The following ACOXL variants were observed in gnomAD, a reference collection of about 807,000 sequenced individuals.
ACOXL encodes the protein acyl-CoA oxidase like.
In ACOXL, 70 loss-of-function variants were observed where a neutral mutation model predicts 71.9. That is an observed-to-expected ratio of 0.97 (90% CI 0.80 to 1.19). The LOEUF is 1.19. ACOXL is among the 50% of genes most tolerant of loss of function. The pLI, the probability that ACOXL is intolerant of heterozygous loss-of-function variation, is 0.00. For synonymous variants in ACOXL, 253 were observed against 281.6 expected, an observed-to-expected ratio of 0.90 and a Z score of 1.02; for missense variants, 703 against 736.3, an observed-to-expected ratio of 0.95 and a Z score of 0.52.
chr2:110,986,770 G>A (rs750816977), intron 12 of ACOXL, among the ~76,000 whole-genome samples: 1 of 152,152 alleles, frequency 6.6e-6, no homozygotes, highest in African/African-American at 2.4e-5. Flanking sequence ...AAAAGAGAAC[G>A]GACCAGCCTT....
intron 15 of ACOXL, among the ~76,000 whole-genome samples, chr2:111,044,181 C>A (rs554025934): frequency 6.6e-6 from 1 of 152,354 alleles, no homozygotes; most frequent in Non-Finnish European, 1.5e-5. Context: ...ACCTCTCTCT[C>A]ATTGCACCTC....
At chr2:110,972,264 G>A (rs2062229231) in intron 12 of ACOXL, among the ~76,000 whole-genome samples, 1 of 152,162 alleles carries the variant, frequency 6.6e-6, no homozygotes, top group African/African-American at 2.4e-5. Context: ...ACACACACAA[G>A]TGCTCCAAGG....
intron 2 of ACOXL, among the ~76,000 whole-genome samples, chr2:110,783,598 G>A (rs1363226299): frequency 1.3e-5 from 2 of 151,916 alleles, no homozygotes; most frequent in East Asian, 3.9e-4. Context: ...TGCTGGTGGA[G>A]CAGTGTAGAA....
chr2:110,835,683 C>T (rs963405087), intron 9 of ACOXL, among the ~76,000 whole-genome samples: 12 of 152,314 alleles, frequency 7.9e-5, no homozygotes, highest in Admixed American at 2.6e-4. Flanking sequence ...TCACTTTGGG[C>T]TGCGTCATCA....
At chr2:110,900,210 G>A (rs1418510172) in intron 10 of ACOXL, among the ~76,000 whole-genome samples, 1 of 136,120 alleles carries the variant, frequency 7.3e-6, no homozygotes, top group Admixed American at 7.3e-5. Flanking sequence ...AGGTCGAGTA[G>A]AAGAGACTTT....
At chr2:111,031,273 G>A (rs1385560734) in intron 14 of ACOXL, among the ~76,000 whole-genome samples, 2 of 132,698 alleles carry the variant, frequency 1.5e-5, no homozygotes, top group Non-Finnish European at 3.3e-5. Context: ...TTGAGGATTA[G>A]ATTCAAGTAG....
At chr2:111,057,609 G>A (rs1267051141) in intron 16 of ACOXL, among the ~76,000 whole-genome samples, 1 of 152,208 alleles carries the variant, frequency 6.6e-6, no homozygotes, top group East Asian at 1.9e-4. Context: ...GGGGAAGGCA[G>A]AGGGGTTCCC....
At chr2:110,772,708 C>T (rs1472120902) in intron 2 of ACOXL, among the ~76,000 whole-genome samples, 6 of 152,300 alleles carry the variant, frequency 3.9e-5, no homozygotes, top group African/African-American at 1.2e-4. Flanking sequence ...GTTGCACCAT[C>T]GTTATCTAAA....
intron 12 of ACOXL, among the ~76,000 whole-genome samples, chr2:110,942,649 GCT>G (rs1420618122): frequency 6.6e-6 from 1 of 151,954 alleles, no homozygotes; most frequent in East Asian, 1.9e-4. Flanking sequence ...ACTTTGGGAG[GCT>G]GAGGCAGGTG....
chr2:111,092,435 C>G (rs1321255549), intron 16 of ACOXL, among the ~76,000 whole-genome samples: 1 of 152,068 alleles, frequency 6.6e-6, no homozygotes, highest in Non-Finnish European at 1.5e-5. Flanking sequence ...GAAAGTTTAC[C>G]CAAACCATGC....
intron 9 of ACOXL, among the ~76,000 whole-genome samples, chr2:110,815,558 G>A (rs758345756): frequency 1.4e-4 from 22 of 152,230 alleles, no homozygotes; most frequent in Non-Finnish European, 2.9e-4. Flanking sequence ...TAAAATGTAT[G>A]TGCTGCCATG....
At chr2:111,010,509 G>T (rs1422334951) in intron 14 of ACOXL, among the ~76,000 whole-genome samples, 1 of 152,008 alleles carries the variant, frequency 6.6e-6, no homozygotes, top group Non-Finnish European at 1.5e-5. Context: ...CTAAGAAGGA[G>T]ATGAGAGAGA....
At position 110,886,293 on chromosome 2, in the gene ACOXL, G is replaced by A. The variant is rs1263149672; in HGVS notation, c.789-22496G>A. On this transcript the variant is annotated intron_variant, in intron 10 of 17. Transcript: ENST00000439055. ...AGTTTGGCATTTTTAACCATGGGTC[G>A]GCCACATTGCACAGGCATTTTCTCT... Among the ~76,000 whole-genome samples, 8 of 151,804 alleles carry A rather than the reference G, an allele frequency of 5.3e-5. No individual in the cohort carries two copies. In the East Asian group the frequency reaches 1.5e-3, roughly 29 times the overall value.
intron 12 of ACOXL, among the ~76,000 whole-genome samples, chr2:110,969,883 G>A (rs1353504055): frequency 6.6e-6 from 1 of 151,990 alleles, no homozygotes; most frequent in Non-Finnish European, 1.5e-5. Context: ...AGAGGAAATG[G>A]ACCAGTTCCT....
chr2:111,103,093 C>T (rs923921139), intron 17 of ACOXL, among the ~76,000 whole-genome samples: 1 of 152,086 alleles, frequency 6.6e-6, no homozygotes, highest in African/African-American at 2.4e-5. Flanking sequence ...GAGTTCAAGA[C>T]CAGCCTGGCC....
At chr2:111,060,119 T>G (rs1399345808) in intron 16 of ACOXL, among the ~76,000 whole-genome samples, 1 of 152,176 alleles carries the variant, frequency 6.6e-6, no homozygotes, top group Non-Finnish European at 1.5e-5. Context: ...GGAGGCCTAG[T>G]AGGGAGCTGG....
intron 2 of ACOXL, among the ~76,000 whole-genome samples, chr2:110,769,566 C>A (rs1033057199): frequency 2.0e-5 from 3 of 151,792 alleles, no homozygotes; most frequent in African/African-American, 7.3e-5. Flanking sequence ...GCAGGTGGAT[C>A]ACTTGAGGCC....
chr2:111,066,552 A>G (rs1020276055), intron 16 of ACOXL, among the ~76,000 whole-genome samples: 29 of 152,188 alleles, frequency 1.9e-4, no homozygotes, highest in Non-Finnish European at 7.3e-5. Flanking sequence ...GGTAAAAGAT[A>G]CCCAACATAT....
chr2:110,868,130 A>G (rs1221757819), intron 10 of ACOXL, among the ~76,000 whole-genome samples: 1 of 152,232 alleles, frequency 6.6e-6, no homozygotes, highest in Non-Finnish European at 1.5e-5. Context: ...TTTGCAGACT[A>G]CATTTTTGTG....
Sources: gnomAD v4.1 joint callset for allele counts (sites outside exome capture counted in the v4.1 genomes callset) on GRCh38, gnomAD v4.1.1 for gene constraint, MANE v1.5 for transcripts, NCBI Gene and HGNC (gene_info 2026-07-23, HGNC 2026-07-21) for gene names.